The following PTPRD variants were observed in gnomAD, a reference collection of about 807,000 sequenced individuals.
The protein encoded by PTPRD is protein tyrosine phosphatase receptor type D.
A neutral mutation model predicts 214.5 loss-of-function variants in PTPRD; 34 were observed. The observed-to-expected ratio is 0.16, with a 90% confidence interval of 0.12 to 0.21. The LOEUF (loss-of-function observed/expected upper bound fraction) is 0.21. Among genes scored for constraint, PTPRD ranks in the 10% least tolerant of loss-of-function variants. The pLI, the probability that PTPRD is intolerant of heterozygous loss-of-function variation, is 1.00. For synonymous variants in PTPRD, 1,128 were observed against 845.7 expected (o/e 1.33, Z -5.79); for missense variants, 2,545 against 2,398.7 (o/e 1.06, Z -1.27).
chr9:10,213,851 A>G (rs1030088955), intron 3 of PTPRD, among the ~76,000 whole-genome samples: 2 of 152,070 alleles, frequency 1.3e-5, no homozygotes, highest in African/African-American at 2.4e-5. Flanking sequence ...TTATTCATTT[A>G]TAATTTATGA....
chr9:8,937,771 T>C (rs1357457237), intron 11 of PTPRD, among the ~76,000 whole-genome samples: 8 of 152,248 alleles, frequency 5.3e-5, no homozygotes, highest in Admixed American at 1.3e-4. Flanking sequence ...TTTGGCATTT[T>C]ATTCTATCCA....
chr9:9,285,900 C>T lies in PTPRD; in HGVS notation c.-202-102537G>A, dbSNP rs74336924. On this transcript the variant is annotated intron_variant, in intron 9 of 45. Transcript: ENST00000381196. ...TGTATCTATATCTATATCTATATATCTGTAAATTAGTGTATCTTCTCAGTC... is the reference window on the plus strand; with the variant it reads ...TGTATCTATATCTATATCTATATATTTGTAAATTAGTGTATCTTCTCAGTC... Among the ~76,000 whole-genome samples, 355 of 151,812 alleles carry T rather than the reference C, an allele frequency of 2.3e-3. 14 individuals are homozygous for T. In the East Asian group the frequency reaches 0.064, roughly 27 times the overall value.
At chr9:9,884,234 A>G (rs1014055665) in intron 5 of PTPRD, among the ~76,000 whole-genome samples, 5 of 152,176 alleles carry the variant, frequency 3.3e-5, no homozygotes, top group Non-Finnish European at 7.3e-5. Context: ...GACATTGTGA[A>G]GAATGGAATG....
intron 4 of PTPRD, among the ~76,000 whole-genome samples, chr9:9,991,739 G>C (rs1262125209): frequency 6.6e-6 from 1 of 151,802 alleles, no homozygotes; most frequent in Admixed American, 6.6e-5. Context: ...ATATACCAAA[G>C]GTCTCATATT....
chr9:9,583,197 G>T (rs2091212099), intron 7 of PTPRD, among the ~76,000 whole-genome samples: 1 of 151,900 alleles, frequency 6.6e-6, no homozygotes, highest in Non-Finnish European at 1.5e-5. Context: ...CAATGAAAGT[G>T]ATTACAAATA....
In PTPRD at chr9:8,633,396, C is replaced by T. The variant is rs1277616613; in HGVS notation, c.273G>A (p.Arg91=). ...VLRIQPLRTP[R]DEAIYECVAS... ...CCACACATTCATAAATGGCCTCATC[C>T]CTCGGAGTCCGTAAGGGTTGTATTC... Residue 91 remains arginine (R), a synonymous_variant, in exon 14 of 46, where the codon AGG becomes AGA. Transcript: ENST00000381196. 6.2e-7 allele frequency: 1 copy of T among 1,612,812 alleles called. No homozygotes were observed.
At chr9:8,946,532 G>GT (rs1479061714) in intron 11 of PTPRD, among the ~76,000 whole-genome samples, 3 of 152,298 alleles carry the variant, frequency 2.0e-5, no homozygotes, top group East Asian at 3.9e-4. Context: ...CTTGGTAGCT[G>GT]TAGCTGATGG....
chr9:9,420,105 C>T (rs2078233100), intron 8 of PTPRD, among the ~76,000 whole-genome samples: 1 of 36,628 alleles, frequency 2.7e-5, no homozygotes, highest in Non-Finnish European at 6.8e-5. Flanking sequence ...GACTACCAGA[C>T]ACTATAATAT....
intron 13 of PTPRD, 100 bp downstream of exon 13, chr9:8,636,599 G>C (rs1279348770): frequency 1.4e-6 from 2 of 1,401,880 alleles, no homozygotes; most frequent in African/African-American, 1.4e-5. Context: ...CCATATATCA[G>C]TGACACCTTT....
Position 8,878,423 on chromosome 9 carries a change from T to G in PTPRD, c.-104+140274A>C, listed in dbSNP as rs2098413519. ...ATGGTGGGGAACAAAAATGGAAGAA[T>G]AAAAGTAAGTAAGAAGGGGTGGCAT... On this transcript the variant is annotated intron_variant, in intron 11 of 45. Coordinates refer to ENST00000381196, the MANE Select transcript of PTPRD (RefSeq NM_002839.4). Among the ~76,000 whole-genome samples the G allele has an allele frequency of 2.0e-5, 3 of 152,094 alleles. No individual in the cohort carries two copies. In the South Asian group the frequency reaches 6.2e-4, roughly 32 times the overall value.
At chr9:10,336,754 T>C (rs2096851279) in intron 3 of PTPRD, among the ~76,000 whole-genome samples, 1 of 151,502 alleles carries the variant, frequency 6.6e-6, no homozygotes, top group Non-Finnish European at 1.5e-5. Flanking sequence ...AAGAGCTATA[T>C]CTAAAACAAA....
chr9:9,949,301 C>A (rs2093178148), intron 4 of PTPRD, among the ~76,000 whole-genome samples: 1 of 152,066 alleles, frequency 6.6e-6, no homozygotes, highest in South Asian at 2.1e-4. Context: ...ATCTTACACA[C>A]CAAGGCTTCC....
At chr9:10,471,923 G>T (rs1206758164) in intron 2 of PTPRD, among the ~76,000 whole-genome samples, 1 of 151,892 alleles carries the variant, frequency 6.6e-6, no homozygotes, top group Non-Finnish European at 1.5e-5. Flanking sequence ...AAATATCAAA[G>T]AAGTCACAAG....
intron 12 of PTPRD, among the ~76,000 whole-genome samples, chr9:8,642,222 G>C (rs978603527): frequency 6.6e-6 from 1 of 152,170 alleles, no homozygotes; most frequent in Admixed American, 6.5e-5. Context: ...AAATGAGGGT[G>C]CCATTTATCT....
chr9:9,104,986 C>G (rs1004089210), intron 10 of PTPRD, among the ~76,000 whole-genome samples: 1 of 152,174 alleles, frequency 6.6e-6, no homozygotes. Context: ...AAAATGAAGA[C>G]TTCAGAGAAA....
intron 3 of PTPRD, among the ~76,000 whole-genome samples, chr9:10,298,335 TC>T (rs1257332846): frequency 6.6e-6 from 1 of 152,082 alleles, no homozygotes; most frequent in East Asian, 1.9e-4. Flanking sequence ...GATCCATTAC[TC>T]AACAAAGGAA....
At chr9:9,826,663 T>A (rs951281641) in intron 5 of PTPRD, among the ~76,000 whole-genome samples, 1 of 152,004 alleles carries the variant, frequency 6.6e-6, no homozygotes, top group Non-Finnish European at 1.5e-5. Flanking sequence ...TTATAAAACT[T>A]TAAGCAAGAT....
chr9:8,432,837 C>T (rs1378859211), intron 35 of PTPRD, among the ~76,000 whole-genome samples: 2 of 152,304 alleles, frequency 1.3e-5, no homozygotes, highest in South Asian at 4.2e-4. Context: ...CATGGATCAT[C>T]ATCATGAACA....
intron 14 of PTPRD, among the ~76,000 whole-genome samples, chr9:8,593,664 A>G (rs1335934158): frequency 6.6e-6 from 1 of 152,216 alleles, no homozygotes; most frequent in Non-Finnish European, 1.5e-5. Flanking sequence ...ACTGTATCAT[A>G]AAAGGTTTCG....
Sources: gnomAD v4.1 joint callset for allele counts (sites outside exome capture counted in the v4.1 genomes callset) on GRCh38, gnomAD v4.1.1 for gene constraint, MANE v1.5 for transcripts, NCBI Gene and HGNC (gene_info 2026-07-23, HGNC 2026-07-21) for gene names.